The following ABCA12 variants were observed in gnomAD, a reference collection of about 807,000 sequenced individuals.
ABCA12 encodes the protein ATP binding cassette subfamily A member 12, also known as glucosylceramide transporter ABCA12.
A neutral mutation model predicts 293.5 loss-of-function variants in ABCA12; 156 were observed. The ratio of observed to expected loss-of-function variants is 0.53; its 90% CI spans 0.47 to 0.61. The LOEUF (loss-of-function observed/expected upper bound fraction) is 0.61. Among genes scored for constraint, ABCA12 ranks in the 20% least tolerant of loss-of-function variants. The pLI, the probability that ABCA12 is intolerant of heterozygous loss-of-function variation, is 0.00. For synonymous variants in ABCA12, 1,063 were observed against 1,108.0 expected, an observed-to-expected ratio of 0.96 and a Z score of 0.81; for missense variants, 2,797 against 3,090.2, an observed-to-expected ratio of 0.91 and a Z score of 2.25.
At chr2:214,972,091 A>G (rs1699397956) in intron 36 of ABCA12, among the ~76,000 whole-genome samples, 1 of 152,070 alleles carries the variant, frequency 6.6e-6, no homozygotes, top group South Asian at 2.1e-4. Context: ...TGTGTTATTT[A>G]TCTTTTTCTC....
intron 1 of ABCA12, among the ~76,000 whole-genome samples, chr2:215,137,363 C>T (rs1016066726): frequency 3.3e-5 from 5 of 152,074 alleles, no homozygotes; most frequent in Admixed American, 6.5e-5. Context: ...TATTGAATAC[C>T]TTTTTGGATT....
At chr2:215,041,292 G>A (rs969369176) in intron 7 of ABCA12, among the ~76,000 whole-genome samples, 5 of 152,090 alleles carry the variant, frequency 3.3e-5, no homozygotes, top group Non-Finnish European at 4.4e-5. Flanking sequence ...TGTGGCTCAC[G>A]CCTGTAATCC....
intron 1 of ABCA12, among the ~76,000 whole-genome samples, chr2:215,116,439 T>C (rs768102469): frequency 6.6e-6 from 1 of 152,116 alleles, no homozygotes; most frequent in Non-Finnish European, 1.5e-5. Flanking sequence ...TTGATTGATA[T>C]AGATAGGTAG....
At chr2:215,109,659 T>G (rs1045385818) in intron 2 of ABCA12, among the ~76,000 whole-genome samples, 1 of 152,160 alleles carries the variant, frequency 6.6e-6, no homozygotes, top group Non-Finnish European at 1.5e-5. Flanking sequence ...AAGAGGCACA[T>G]ATCACATTAT....
At chr2:214,991,257 A>G (rs1056180882) in intron 23 of ABCA12, among the ~76,000 whole-genome samples, 1 of 152,208 alleles carries the variant, frequency 6.6e-6, no homozygotes, top group Non-Finnish European at 1.5e-5. Context: ...AATATAATAA[A>G]CAATTTGGAT....
chr2:215,124,754 T>C (rs757582502), intron 1 of ABCA12, among the ~76,000 whole-genome samples: 15 of 152,230 alleles, frequency 9.9e-5, no homozygotes, highest in Non-Finnish European at 2.2e-4. Context: ...CTCTGTGGGT[T>C]GTCTGTTTAT....
rs777822338 is a variant in ABCA12, at chr2:214,956,692, G to A, written c.6204C>T (p.Gly2068=). The change falls in exon 42 of 53, where the codon GGC becomes GGT. Residue 2068 remains glycine (G), a synonymous_variant. Transcript: ENST00000272895. ...ACAGGAGAAGTAGGAGAGATACAGC[G>A]CCTAGGTTGTTTTCACTGTAGAATG... ...LPAFYSENNL[G]AVSLLLLLFG... is the part of the protein sequence containing the mutation. The A allele has an allele frequency of 1.7e-5, 27 of 1,613,228 alleles. No individual in the cohort carries two copies. Among genetic ancestry groups the A allele is most frequent in the South Asian group, 3.3e-5 (3 of 91,048 alleles).
At chr2:215,108,535 G>C (rs1483962502) in intron 2 of ABCA12, among the ~76,000 whole-genome samples, 1 of 152,124 alleles carries the variant, frequency 6.6e-6, no homozygotes, top group African/African-American at 2.4e-5. Flanking sequence ...AGTTACTTAA[G>C]TTCTCTGTGC....
Position 214,958,262 on chromosome 2 carries a change from A to T in ABCA12, c.6117+15T>A. The T allele has an allele frequency of 6.2e-7, 1 of 1,613,846 alleles. No homozygotes were observed. Among genetic ancestry groups the T allele is most frequent in the Non-Finnish European group, 8.5e-7 (1 of 1,179,718 alleles). The stretch of plus-strand genomic sequence containing the variant: ...GATCTTTTATTCCCTGCAATGAAGG[A>T]CATAAGTTACTCACCATGTCATAAA... On this transcript the variant is annotated intron_variant, in intron 41 of 52. Transcript: ENST00000272895.
chr2:214,946,551 A>G (rs1698588793), intron 48 of ABCA12, among the ~76,000 whole-genome samples: 1 of 152,176 alleles, frequency 6.6e-6, no homozygotes, highest in South Asian at 2.1e-4. Flanking sequence ...AGCTTCTGGT[A>G]TTATAGAAAG....
intron 7 of ABCA12, among the ~76,000 whole-genome samples, chr2:215,041,684 A>T (rs1701104602): frequency 6.6e-6 from 1 of 152,242 alleles, no homozygotes; most frequent in Non-Finnish European, 1.5e-5. Context: ...AAGAATTGAA[A>T]TTAGAATAAT....
chr2:215,000,326 G>C (rs1364249621), intron 22 of ABCA12, among the ~76,000 whole-genome samples: 1 of 152,132 alleles, frequency 6.6e-6, no homozygotes, highest in African/African-American at 2.4e-5. Flanking sequence ...TTTGGGAGTT[G>C]GAAGGGATTT....
intron 2 of ABCA12, among the ~76,000 whole-genome samples, chr2:215,106,395 T>A (rs1044897687): frequency 6.6e-6 from 1 of 152,074 alleles, no homozygotes; most frequent in African/African-American, 2.4e-5. Flanking sequence ...ATAAGTGGTA[T>A]GAGGAAGAAA....
Position 214,989,380 on chromosome 2 carries a change from C to T in ABCA12, c.3778G>A (p.Asp1260Asn). 2 of 1,613,386 alleles carry T rather than the reference C, an allele frequency of 1.2e-6. No individual in the cohort carries two copies. Among genetic ancestry groups the T allele is most frequent in the Non-Finnish European group, 8.5e-7 (1 of 1,179,850 alleles). The change falls in exon 26 of 53, where the codon GAC becomes AAC. Residue 1260 changes from aspartate (D) to asparagine (N), a missense_variant. This residue lies in a region of ABCA12 where 2,130 missense variants were observed against 2,427.0 expected (regional missense o/e 0.88). Transcript: ENST00000272895. ...GCAATAAGGAAATAAATGAAAGAGT[C>T]AGCTAGGATTAGACAGCACAGCCAG... The part of the protein sequence containing the change: ...FGWLCCLILA[D>N]SFIYFLIAWY...
At chr2:215,017,778 A>G in intron 14 of ABCA12, 1 of 523,948 alleles carries the variant, frequency 1.9e-6, no homozygotes. Context: ...CAAATGGGGC[A>G]TGGGAAAGGA....
At chr2:215,002,473 G>A (rs148678854) in intron 20 of ABCA12, among the ~76,000 whole-genome samples, 28 of 152,182 alleles carry the variant, frequency 1.8e-4, no homozygotes, top group African/African-American at 6.5e-4. Context: ...CAAATCATTT[G>A]GCCAATTACA....
chr2:214,944,337 G>A (rs926787971), intron 49 of ABCA12, among the ~76,000 whole-genome samples: 6 of 151,958 alleles, frequency 3.9e-5, no homozygotes, highest in African/African-American at 7.3e-5. Flanking sequence ...GCTTGAACCC[G>A]GGAGGTGGAG....
Position 214,987,735 on chromosome 2 carries a change from CTCCT to C in ABCA12, c.3884_3887del (p.Lys1295SerfsTer8), listed in dbSNP as rs1446892315. On this transcript the variant is annotated frameshift_variant, in exon 27 of 53. Transcript: ENST00000272895. LOFTEE classifies it high-confidence loss of function. ...GCTTCACCTCTGCACACCCAAATCG[CTCCT>C]TCCAATAGGAAGGAAGAATTGGAAA... 2 of 1,614,026 alleles carry C rather than the reference CTCCT, an allele frequency of 1.2e-6. No individual in the cohort carries two copies. Among genetic ancestry groups the C allele is most frequent in the Non-Finnish European group, 1.7e-6 (2 of 1,179,992 alleles).
At chr2:214,999,233 G>C (rs1271027570) in intron 22 of ABCA12, among the ~76,000 whole-genome samples, 1 of 152,154 alleles carries the variant, frequency 6.6e-6, no homozygotes, top group African/African-American at 2.4e-5. Flanking sequence ...TCTGGATCTA[G>C]AACTAGGCAA....
Sources: allele counts gnomAD v4.1 joint callset (sites outside exome capture counted in the v4.1 genomes callset), GRCh38; gene constraint gnomAD v4.1.1; regional missense constraint gnomAD v4.1.1; transcripts MANE v1.5; gene names NCBI Gene and HGNC (gene_info 2026-07-23, HGNC 2026-07-21).